Variants in ALDH7A1 observed in about 807,000 individuals in gnomAD.
ALDH7A1 encodes aldehyde dehydrogenase 7 family member A1, also known as alpha-aminoadipic semialdehyde dehydrogenase.
Under a neutral mutation model 79.9 loss-of-function variants are expected in ALDH7A1, and 63 were observed. That is an observed-to-expected ratio of 0.79 (90% confidence interval 0.64 to 0.97). The LOEUF is 0.97. Ranked by LOEUF, ALDH7A1 falls within the 50% of genes least tolerant of loss-of-function variation. The pLI is 0.00. For missense variants in ALDH7A1, 627 were observed against 665.2 expected (o/e 0.94, Z 0.63); for synonymous variants, 240 against 231.2 (o/e 1.04, Z -0.34).
At position 126,577,156 on chromosome 5, in the gene ALDH7A1, G is replaced by A. The variant is rs1554100447; in HGVS notation, c.573C>T (p.Ile191=). The change falls in exon 6 of 18, where the codon ATC becomes ATT. Residue 191 remains isoleucine (I), a synonymous_variant. Coordinates refer to ENST00000409134, the MANE Select transcript of ALDH7A1 (RefSeq NM_001182.5). ...QWNPVGLVGI[I]TAFNFPVAVY... Reference sequence around the variant, plus strand: ...CTGCCACAGGGAAATTGAATGCCGTGATGATTCCAACCAGGCCTACGGGAT... The same window carrying A: ...CTGCCACAGGGAAATTGAATGCCGTAATGATTCCAACCAGGCCTACGGGAT... 1.4e-5 allele frequency: 22 copies of A among 1,614,084 alleles called. No individual in the cohort carries two copies. Among genetic ancestry groups the A allele is most frequent in the Non-Finnish European group, 1.8e-5 (21 of 1,180,044 alleles).
At chr5:126,567,049 C>T (rs929147981) in intron 9 of ALDH7A1, among the ~76,000 whole-genome samples, 6 of 152,322 alleles carry the variant, frequency 3.9e-5, no homozygotes, top group South Asian at 2.1e-4. Flanking sequence ...TATACTGGTC[C>T]AAGCACACAT....
chr5:126,566,254 T>C lies in ALDH7A1; in HGVS notation c.871+2005A>G, dbSNP rs147994449. 7.2e-3 allele frequency among the ~76,000 whole-genome samples: 1,091 copies of C among 152,328 alleles called. 9 individuals carry two copies. The highest frequency in any genetic ancestry group is 0.015 in the Admixed American group (232 of 15,294). ...TTATTTAGGTCATCTTTAATTTATT[T>C]TGATGATGATTTGTAGTGCTCCGTG... On this transcript the variant is annotated intron_variant, in intron 9 of 17. Coordinates refer to ENST00000409134, the MANE Select transcript of ALDH7A1 (RefSeq NM_001182.5).
intron 13 of ALDH7A1, among the ~76,000 whole-genome samples, chr5:126,553,639 G>A (rs1368894544): frequency 1.3e-5 from 2 of 152,104 alleles, no homozygotes; most frequent in African/African-American, 2.4e-5. Flanking sequence ...TTGAACCTGG[G>A]AGGCGAGGTT....
chr5:126,584,659 CAA>C (rs35736560), intron 3 of ALDH7A1, among the ~76,000 whole-genome samples: 4,869 of 62,198 alleles, frequency 0.078, 199 homozygotes, highest in African/African-American at 0.16. Context: ...CACTCCATCT[CAA>C]AAAAAAAAAA....
Position 126,575,364 on chromosome 5 carries a change from A to G in ALDH7A1, c.695+56T>C, listed in dbSNP as rs1054756513. The G allele has an allele frequency of 1.2e-5, 18 of 1,559,360 alleles. No individual in the cohort carries two copies. The African/African-American group carries it at 2.4e-4, about 21-fold the overall frequency. On this transcript the variant is annotated intron_variant, in intron 7 of 17. Transcript: ENST00000409134. ...TCAGATTAAAAAGTCAGGGCCTATCAATAACCCTTTCAATATTATTCCATA... is the reference window on the plus strand; with the variant it reads ...TCAGATTAAAAAGTCAGGGCCTATCGATAACCCTTTCAATATTATTCCATA...
At chr5:126,564,456 A>T in intron 9 of ALDH7A1, 1 of 1,069,582 alleles carries the variant, frequency 9.3e-7, no homozygotes, top group Non-Finnish European at 1.2e-6. Context: ...CCTTAGACAT[A>T]CATTTATTAC....
At chr5:126,575,619 C>T (rs546427583) in intron 6 of ALDH7A1, among the ~76,000 whole-genome samples, 155 bp from the exon 7 acceptor site, 13 of 152,342 alleles carry the variant, frequency 8.5e-5, no homozygotes, top group Non-Finnish European at 1.6e-4. Flanking sequence ...AGAAATCTGT[C>T]CTTCAGCTGG....
chr5:126,573,320 G>A (rs1750843601), intron 7 of ALDH7A1, among the ~76,000 whole-genome samples: 1 of 150,530 alleles, frequency 6.6e-6, no homozygotes. Flanking sequence ...TAGCACTTTG[G>A]GAGGCCGAGG....
intron 9 of ALDH7A1, among the ~76,000 whole-genome samples, chr5:126,567,189 T>C (rs1750611768): frequency 6.6e-6 from 1 of 152,158 alleles, no homozygotes; most frequent in African/African-American, 2.4e-5. Context: ...TGCTAGCCAA[T>C]TGGGAGAAAT....
chr5:126,582,351 C>T (rs954277768), intron 5 of ALDH7A1, among the ~76,000 whole-genome samples: 7 of 152,108 alleles, frequency 4.6e-5, no homozygotes, highest in Non-Finnish European at 8.8e-5. Flanking sequence ...AAAATCCTCC[C>T]GTAAAAGTGT....
intron 16 of ALDH7A1, 119 bp from the exon 17 acceptor site, chr5:126,546,518 A>G (rs1749791942): frequency 9.0e-6 from 8 of 887,542 alleles, no homozygotes; most frequent in Non-Finnish European, 5.4e-6. Flanking sequence ...TTTACTTTAC[A>G]TTTAGCCCAC....
chr5:126,547,647 A>G lies in ALDH7A1; in HGVS notation c.1490-1248T>C, dbSNP rs183679714. Among the ~76,000 whole-genome samples, 2 of 152,204 alleles carry G rather than the reference A, an allele frequency of 1.3e-5. 1 individual carries two copies. The highest frequency in any genetic ancestry group is 2.9e-5 in the Non-Finnish European group (2 of 68,028). On this transcript the variant is annotated intron_variant, in intron 16 of 17. Coordinates refer to ENST00000409134, the MANE Select transcript of ALDH7A1 (RefSeq NM_001182.5). ...GCTCCTGGACAGAAACCTCTATCATAATAGAGGGTCAATACATAATGTCTA... is the reference window on the plus strand; with the variant it reads ...GCTCCTGGACAGAAACCTCTATCATGATAGAGGGTCAATACATAATGTCTA...
intron 16 of ALDH7A1, chr5:126,549,546 G>C (rs566081556): frequency 4.9e-6 from 1 of 205,226 alleles, no homozygotes; most frequent in Non-Finnish European, 9.9e-6. Flanking sequence ...GTGAAAAAGA[G>C]TATGTTTAAC....
In ALDH7A1 at chr5:126,595,175, CAG is replaced by C; in HGVS notation, c.22_23del (p.Leu8ValfsTer48). 6.4e-7 allele frequency: 1 copy of C among 1,553,272 alleles called. No homozygotes were observed. Among genetic ancestry groups the C allele is most frequent in the Non-Finnish European group, 8.7e-7 (1 of 1,147,726 alleles). MWRLPRA[L>X]CVHAAKTSKL... The stretch of plus-strand genomic sequence containing the variant: ...TGCTGGTCTTTGCAGCGTGCACACA[CAG>C]CGCGCGAGGAAGGCGCCACATACTG... On this transcript the variant is annotated frameshift_variant, in exon 1 of 18. Coordinates refer to ENST00000409134, the MANE Select transcript of ALDH7A1 (RefSeq NM_001182.5). LOFTEE classifies it high-confidence loss of function.
At chr5:126,550,154 A>C (rs1441471318) in intron 15 of ALDH7A1, 42 bp downstream of exon 15, 4 of 1,587,018 alleles carry the variant, frequency 2.5e-6, no homozygotes, top group Admixed American at 3.3e-5. Flanking sequence ...CTCACCACAT[A>C]AATCAGACTT....
Position 126,556,032 on chromosome 5 carries a change from A to G in ALDH7A1, c.1009-17T>C. 6.4e-7 allele frequency: 1 copy of G among 1,560,346 alleles called. No homozygotes were observed. Among genetic ancestry groups the G allele is most frequent in the African/African-American group, 1.4e-5 (1 of 73,922 alleles). On this transcript the variant is annotated splice_polypyrimidine_tract_variant and intron_variant, in intron 11 of 17. Coordinates refer to ENST00000409134, the MANE Select transcript of ALDH7A1 (RefSeq NM_001182.5). The stretch of plus-strand genomic sequence containing the variant: ...ATGTATAAACTAAACGAAAAAAGAT[A>G]TTCAAGGGCATAGTATGATAAATGC...
chr5:126,573,782 G>A (rs901030286), intron 7 of ALDH7A1, among the ~76,000 whole-genome samples: 4 of 150,826 alleles, frequency 2.7e-5, no homozygotes, highest in Admixed American at 6.6e-5. Context: ...CAGGACAATC[G>A]CTTGAACCTG....
intron 3 of ALDH7A1, among the ~76,000 whole-genome samples, chr5:126,585,630 C>T (rs1751335117): frequency 6.6e-6 from 1 of 152,178 alleles, no homozygotes; most frequent in South Asian, 2.1e-4. Context: ...GGCGCGATCT[C>T]GGCTCAGTGC....
At chr5:126,564,720 T>G in intron 9 of ALDH7A1, 2 of 455,724 alleles carry the variant, frequency 4.4e-6, no homozygotes, top group Non-Finnish European at 7.3e-6. Context: ...TTGCTGGCTA[T>G]AGCATAGCGC....
Sources: gnomAD v4.1 joint callset for allele counts (sites outside exome capture counted in the v4.1 genomes callset) on GRCh38, gnomAD v4.1.1 for gene constraint, MANE v1.5 for transcripts, NCBI Gene and HGNC (gene_info 2026-07-23, HGNC 2026-07-21) for gene names.